Variants in HHIPL2 observed in about 807,000 individuals in gnomAD.
The protein encoded by HHIPL2 is HHIP-like protein 2.
In HHIPL2, 61 loss-of-function variants were observed where a neutral mutation model predicts 61.0. That is an observed-to-expected ratio of 1.00 (90% CI 0.81 to 1.24). The LOEUF (loss-of-function observed/expected upper bound fraction) is 1.24. HHIPL2 is among the 50% of genes most tolerant of loss of function. The probability of loss-of-function intolerance (pLI) is 0.00; values close to 1 mark genes in which losing one functional copy is unlikely to be tolerated. For missense variants in HHIPL2, 885 were observed against 910.2 expected (o/e 0.97, Z 0.36); for synonymous variants, 343 against 357.4 (o/e 0.96, Z 0.45).
chr1:222,522,720 T>A lies in HHIPL2; in HGVS notation c.2056A>T (p.Lys686Ter). ...ACGTGGGGCCCCACTCTGGCTTTCT[T>A]CTTTGTACCAGGCCCTCGCAATGTA... ...KNTLRGPGTK[K>*]KARVGPHVRQ... The change falls in exon 9 of 9, where the codon AAG becomes TAG. Residue 686 changes from lysine (K) to a stop codon, truncating the protein, a stop_gained. Coordinates refer to ENST00000343410, the MANE Select transcript of HHIPL2 (RefSeq NM_024746.4). LOFTEE classifies it low-confidence loss of function (END_TRUNC). 1 of 1,614,150 alleles carries A rather than the reference T, an allele frequency of 6.2e-7. No individual in the cohort carries two copies. The highest frequency in any genetic ancestry group is 8.5e-7 in the Non-Finnish European group (1 of 1,180,032).
At chr1:222,537,515 C>G (rs1371834309) in intron 5 of HHIPL2, among the ~76,000 whole-genome samples, 3 of 151,288 alleles carry the variant, frequency 2.0e-5, no homozygotes, top group Non-Finnish European at 4.4e-5. Flanking sequence ...CCTGTAGTCC[C>G]AGCTACTCAG....
At chr1:222,522,930 A>G (rs1168201968) in intron 8 of HHIPL2, 43 bp from the exon 9 acceptor site, 1 of 1,547,774 alleles carries the variant, frequency 6.5e-7, no homozygotes, top group African/African-American at 1.4e-5. Context: ...TAAGTCCCAG[A>G]AAGTAGCTAT....
At chr1:222,528,581 G>A (rs1285137972) in intron 6 of HHIPL2, among the ~76,000 whole-genome samples, 1 of 152,056 alleles carries the variant, frequency 6.6e-6, no homozygotes, top group Non-Finnish European at 1.5e-5. Context: ...CACTCCCAGT[G>A]CAGTAGGCAA....
At chr1:222,523,744 C>A in intron 7 of HHIPL2, 50 bp from the exon 8 acceptor site, 2 of 1,583,806 alleles carry the variant, frequency 1.3e-6, no homozygotes, top group Non-Finnish European at 1.7e-6. Flanking sequence ...GAAGATGCAA[C>A]CGGAAAATCA....
chr1:222,545,155 A>G (rs1342483475), intron 1 of HHIPL2, among the ~76,000 whole-genome samples: 1 of 152,184 alleles, frequency 6.6e-6, no homozygotes, highest in African/African-American at 2.4e-5. Flanking sequence ...GGAAGGTAAG[A>G]AAGCCCAATT....
chr1:222,535,559 C>CT (rs1367283008), intron 5 of HHIPL2, among the ~76,000 whole-genome samples: 1 of 152,156 alleles, frequency 6.6e-6, no homozygotes, highest in African/African-American at 2.4e-5. Context: ...ACTGTGCTCC[C>CT]TCCAGACGCT....
At chr1:222,546,859 T>TG (rs1159520420) in intron 1 of HHIPL2, among the ~76,000 whole-genome samples, 1 of 152,200 alleles carries the variant, frequency 6.6e-6, no homozygotes, top group Non-Finnish European at 1.5e-5. Flanking sequence ...CATGAACAGA[T>TG]GCCTGTGGAT....
intron 3 of HHIPL2, 45 bp downstream of exon 3, chr1:222,541,967 G>GGGCT (rs767394343): frequency 6.4e-7 from 1 of 1,553,968 alleles, no homozygotes; most frequent in Non-Finnish European, 8.6e-7. Context: ...ACCACACCAG[G>GGGCT]GGCTCACTCT....
intron 5 of HHIPL2, 121 bp from the exon 6 acceptor site, chr1:222,532,232 A>G: frequency 1.2e-6 from 1 of 821,806 alleles, no homozygotes; most frequent in South Asian, 2.8e-5. Flanking sequence ...GAGATCAATA[A>G]CTAGCCTGCC....
At chr1:222,535,002 G>A (rs911199907) in intron 5 of HHIPL2, among the ~76,000 whole-genome samples, 6 of 152,024 alleles carry the variant, frequency 3.9e-5, no homozygotes, top group African/African-American at 1.4e-4. Flanking sequence ...ACAGAAATAT[G>A]AAGAAAACCA....
At chr1:222,526,705 CAA>C (rs1187186640) in intron 7 of HHIPL2, among the ~76,000 whole-genome samples, 200 of 54,278 alleles carry the variant, frequency 3.7e-3, no homozygotes, top group African/African-American at 5.3e-3. Flanking sequence ...AACTCCATCT[CAA>C]AAAAAAAAAA....
intron 1 of HHIPL2, among the ~76,000 whole-genome samples, 165 bp from the exon 2 acceptor site, chr1:222,544,354 C>T (rs1416564012): frequency 6.6e-6 from 1 of 152,116 alleles, no homozygotes; most frequent in African/African-American, 2.4e-5. Flanking sequence ...TGATTTTCTA[C>T]CTAGTTAATG....
At chr1:222,527,324 T>TC (rs1001383701) in intron 6 of HHIPL2, among the ~76,000 whole-genome samples, 4 of 152,088 alleles carry the variant, frequency 2.6e-5, no homozygotes, top group Admixed American at 2.6e-4. Flanking sequence ...CAAACAGGTT[T>TC]CCCCCTTATC....
At chr1:222,543,028 AAGG>A (rs1482283423) in intron 2 of HHIPL2, among the ~76,000 whole-genome samples, 2 of 152,228 alleles carry the variant, frequency 1.3e-5, no homozygotes, top group Admixed American at 6.5e-5. Context: ...ACAAGAGAGA[AAGG>A]AGAAGAAGGA....
intron 6 of HHIPL2, among the ~76,000 whole-genome samples, chr1:222,528,530 C>A (rs1165503653): frequency 6.6e-6 from 1 of 152,100 alleles, no homozygotes; most frequent in Non-Finnish European, 1.5e-5. Context: ...TCACTTGAAT[C>A]TGGGAGGCAG....
intron 5 of HHIPL2, among the ~76,000 whole-genome samples, chr1:222,532,659 C>T (rs1195840521): frequency 1.3e-5 from 2 of 151,660 alleles, no homozygotes; most frequent in Non-Finnish European, 2.9e-5. Context: ...GGCTGCACCA[C>T]TACAAAAGAC....
rs775190458 is a variant in HHIPL2 at position 222,544,181 on chromosome 1, C to T, written c.330G>A (p.Ser110=). The T allele has an allele frequency of 3.1e-6, 5 of 1,610,852 alleles. No homozygotes were observed. Among genetic ancestry groups the T allele is most frequent in the Admixed American group, 1.7e-5 (1 of 59,960 alleles). The change falls in exon 2 of 9, where the codon TCG becomes TCA. Residue 110 remains serine (S), a synonymous_variant. Transcript: ENST00000343410. ...YIKDILCQEC[S]PYAAHLYDAE... ...CGTCGTAGAGGTGGGCTGCGTAGGG[C>T]GAGCACTCCTAAAAAAGAACGCGGA...
At chr1:222,529,632 T>C (rs67646686) in intron 6 of HHIPL2, among the ~76,000 whole-genome samples, 12,796 of 152,246 alleles carry the variant, frequency 0.084, 576 homozygotes, top group African/African-American at 0.12. Context: ...ACAAAAAAAC[T>C]ATAATATGCC....
chr1:222,542,632 G>A (rs1659457474), intron 2 of HHIPL2, among the ~76,000 whole-genome samples: 1 of 147,492 alleles, frequency 6.8e-6, no homozygotes, highest in Non-Finnish European at 1.5e-5. Flanking sequence ...CCAGGTTCAT[G>A]CGATTCTCCT....
Sources: gnomAD v4.1 joint callset for allele counts (sites outside exome capture counted in the v4.1 genomes callset) on GRCh38, gnomAD v4.1.1 for gene constraint, MANE v1.5 for transcripts, NCBI Gene and HGNC (gene_info 2026-07-23, HGNC 2026-07-21) for gene names.